The following TSC22D2 variants were observed in gnomAD, a reference collection of about 807,000 sequenced individuals.
The protein encoded by TSC22D2 is TSC22 domain family member 2.
TSC22D2 carries 5 observed loss-of-function variants against 50.1 expected under a neutral mutation model. The observed-to-expected ratio is 0.10, with a 90% CI of 0.05 to 0.21. The LOEUF is 0.21. TSC22D2 is among the 10% of genes least tolerant of loss of function. TSC22D2 has a pLI of 1.00. For missense variants in TSC22D2, 1,003 were observed against 1,015.5 expected, an observed-to-expected ratio of 0.99 and a Z score of 0.17; for synonymous variants, 501 against 450.1, an observed-to-expected ratio of 1.11 and a Z score of -1.43.
chr3:150,418,142 A>G (rs539848794), intron 1 of TSC22D2, among the ~76,000 whole-genome samples: 1 of 152,156 alleles, frequency 6.6e-6, no homozygotes, highest in Admixed American at 6.5e-5. Context: ...AAGTAGGTTG[A>G]TTGCCCAAGA....
chr3:150,464,869 A>C lies in TSC22D2; in HGVS notation c.*6233A>C, dbSNP rs1311537337. The C allele has an allele frequency of 6.6e-6, 1 of 152,214 alleles. No individual in the cohort carries two copies. Among genetic ancestry groups the C allele is most frequent in the Admixed American group, 6.5e-5 (1 of 15,272 alleles). The allele number at this position is 152,214 out of a possible 1,614,324, so 9.4% of individuals were successfully genotyped here. On this transcript the variant is annotated 3_prime_UTR_variant, in exon 3 of 3. Transcript: ENST00000688009. ...AGTTGTAGATAATGAAATTGATTTA[A>C]ATCAAAGTTAACTAGAATAGGATTC...
Position 150,458,767 on chromosome 3 carries a change from C to A in TSC22D2, c.*131C>A. 1.7e-6 allele frequency: 2 copies of A among 1,171,684 alleles called. No individual in the cohort carries two copies. The highest frequency in any genetic ancestry group is 2.4e-6 in the Non-Finnish European group (2 of 835,024). The allele number at this position is 1,171,684 out of a possible 1,614,324, so 72.6% of individuals were successfully genotyped here. A position where few individuals can be genotyped will look rare whatever the true frequency, so the allele number is the denominator to read the frequency against. On this transcript the variant is annotated 3_prime_UTR_variant, in exon 3 of 3. Transcript: ENST00000688009. ...TGTGTTTGGCCTTTTCAGTATTAGA[C>A]AATCATTCTACAAGAGCTTTTCCTC...
rs1470876469 is a variant in TSC22D2 at position 150,408,725 on chromosome 3, G to GCCACAGCC, written c.-621_-614dup. The GCCACAGCC allele has an allele frequency of 6.5e-6, 1 of 152,998 alleles. No individual in the cohort carries two copies. Among genetic ancestry groups the GCCACAGCC allele is most frequent in the Non-Finnish European group, 1.5e-5 (1 of 68,746 alleles). The allele number at this position is 152,998 out of a possible 1,614,324, so 9.5% of individuals were successfully genotyped here. ...CGGGGAGGGAGGGCCGCCTGCCCGC[G>GCCACAGCC]CCACAGCCCCACCGCCCGCCCGCGG... On this transcript the variant is annotated 5_prime_UTR_variant, in exon 1 of 3. Coordinates refer to ENST00000688009, the MANE Select transcript of TSC22D2 (RefSeq NM_001303264.2).
At chr3:150,454,061 G>A (rs1487601173) in intron 1 of TSC22D2, among the ~76,000 whole-genome samples, 1 of 152,152 alleles carries the variant, frequency 6.6e-6, no homozygotes, top group African/African-American at 2.4e-5. Context: ...GTGAGTATAT[G>A]GAGGAGCCAG....
chr3:150,453,210 A>C (rs1293823597), intron 1 of TSC22D2, among the ~76,000 whole-genome samples: 1 of 152,326 alleles, frequency 6.6e-6, no homozygotes, highest in African/African-American at 2.4e-5. Context: ...TTAAACCATC[A>C]AAATATAATG....
At chr3:150,454,714 A>G (rs1380708973) in intron 1 of TSC22D2, among the ~76,000 whole-genome samples, 3 of 152,240 alleles carry the variant, frequency 2.0e-5, no homozygotes, top group African/African-American at 4.8e-5. Context: ...AAAGGTCACT[A>G]TAGTGGTAGT....
intron 1 of TSC22D2, among the ~76,000 whole-genome samples, chr3:150,436,153 A>G (rs906750952): frequency 1.3e-5 from 2 of 152,192 alleles, no homozygotes; most frequent in Admixed American, 6.5e-5. Flanking sequence ...ATTTTGATAT[A>G]TAACTTTTGT....
In TSC22D2 at chr3:150,410,830, G is replaced by A. The variant is rs1337233630; in HGVS notation, c.1480G>A (p.Ala494Thr). The part of the protein sequence containing the change: ...PQMGGSGPLS[A>T]VPGGPHAVVP... ...GATGGGTGGCAGTGGTCCGCTGTCA[G>A]CCGTACCTGGTGGCCCTCACGCCGT... Residue 494 changes from alanine (A) to threonine (T), a missense_variant, in exon 1 of 3, where the codon GCC (alanine) becomes ACC (threonine). Ala to Thr is a moderately conservative substitution (Grantham distance 58). Around this residue, in one of 6 missense-constraint regions of TSC22D2, gnomAD observed 696 missense variants for 647.8 expected, o/e 1.07. Coordinates refer to ENST00000688009, the MANE Select transcript of TSC22D2 (RefSeq NM_001303264.2). 2 of 1,613,652 alleles carry A rather than the reference G, an allele frequency of 1.2e-6. No individual in the cohort carries two copies. Among genetic ancestry groups the A allele is most frequent in the Non-Finnish European group, 1.7e-6 (2 of 1,179,980 alleles).
At chr3:150,452,339 G>A (rs1721067306) in intron 1 of TSC22D2, among the ~76,000 whole-genome samples, 1 of 152,026 alleles carries the variant, frequency 6.6e-6, no homozygotes, top group Non-Finnish European at 1.5e-5. Flanking sequence ...CAGCTACTCG[G>A]GAGGCCGAGG....
intron 1 of TSC22D2, among the ~76,000 whole-genome samples, chr3:150,432,686 G>A (rs1720418587): frequency 2.0e-5 from 3 of 151,832 alleles, no homozygotes; most frequent in African/African-American, 7.3e-5. Context: ...ATCTTTTAGG[G>A]TTTCGTCATT....
intron 1 of TSC22D2, among the ~76,000 whole-genome samples, chr3:150,421,990 G>A (rs536460410): frequency 1.3e-5 from 2 of 152,332 alleles, no homozygotes; most frequent in South Asian, 4.1e-4. Flanking sequence ...GCTCAGTGAT[G>A]TAAGGCAAGT....
intron 1 of TSC22D2, among the ~76,000 whole-genome samples, chr3:150,446,890 G>A (rs1024457715): frequency 6.6e-6 from 1 of 152,136 alleles, no homozygotes; most frequent in Non-Finnish European, 1.5e-5. Flanking sequence ...CCAGTGACTA[G>A]CCTAATATAA....
intron 1 of TSC22D2, among the ~76,000 whole-genome samples, chr3:150,448,546 T>C: frequency 6.6e-6 from 1 of 152,172 alleles, no homozygotes; most frequent in Non-Finnish European, 1.5e-5. Flanking sequence ...TCCATATTAT[T>C]ATAACATTTA....
At chr3:150,439,508 C>T (rs575058600) in intron 1 of TSC22D2, among the ~76,000 whole-genome samples, 3 of 152,234 alleles carry the variant, frequency 2.0e-5, no homozygotes, top group Admixed American at 2.0e-4. Flanking sequence ...TTTCTATAAT[C>T]TACATAACTT....
At position 150,409,615 on chromosome 3, in the gene TSC22D2, C is replaced by G; in HGVS notation, c.265C>G (p.Leu89Val). Residue 89 changes from leucine to valine, a missense_variant, in exon 1 of 3, where the codon CTC becomes GTC. Physicochemically the swap from Leu to Val is conservative, Grantham distance 32. Transcript: ENST00000688009. This position sits in a 1 kb window ranked among gnomAD's most constrained non-coding sequence, Gnocchi z 7.4. ...TCCCGGGACCGTCTCCCCAAACCTC[C>G]TCCTAGATGGGCAGCTGGCAGCGGC... ...ETPGTVSPNLLLDGQLAAAAA... is the reference protein window; with the variant it reads ...ETPGTVSPNLVLDGQLAAAAA... 1 of 1,609,296 alleles carries G rather than the reference C, an allele frequency of 6.2e-7. No individual in the cohort carries two copies. The highest frequency in any genetic ancestry group is 1.1e-5 in the South Asian group (1 of 90,860).
At position 150,409,623 on chromosome 3, in the gene TSC22D2, T is replaced by G. The variant is rs1222293046; in HGVS notation, c.273T>G (p.Asp91Glu). 1.9e-6 allele frequency: 3 copies of G among 1,609,674 alleles called. No homozygotes were observed. The highest frequency in any genetic ancestry group is 2.5e-6 in the Non-Finnish European group (3 of 1,177,556). Residue 91 changes from aspartate to glutamate, a missense_variant, in exon 1 of 3, where the codon GAT becomes GAG. Coordinates refer to ENST00000688009, the MANE Select transcript of TSC22D2 (RefSeq NM_001303264.2). This position sits in a 1 kb window ranked among gnomAD's most constrained non-coding sequence, Gnocchi z 7.4. ...CCGTCTCCCCAAACCTCCTCCTAGA[T>G]GGGCAGCTGGCAGCGGCGGCTGCTG... ...PGTVSPNLLL[D>E]GQLAAAAAAP...
intron 1 of TSC22D2, among the ~76,000 whole-genome samples, chr3:150,443,930 A>G (rs1720796829): frequency 6.6e-6 from 1 of 152,214 alleles, no homozygotes; most frequent in African/African-American, 2.4e-5. Flanking sequence ...GAAGTCTTCT[A>G]TGATTTAGTC....
intron 1 of TSC22D2, among the ~76,000 whole-genome samples, chr3:150,454,977 C>A (rs1040658423): frequency 1.1e-4 from 17 of 150,106 alleles, no homozygotes; most frequent in African/African-American, 1.2e-4. Context: ...CAAAAAAAAA[C>A]CCCAGTAATT....
rs1030872133 is a variant in TSC22D2 at position 150,460,300 on chromosome 3, T to C, written c.*1664T>C. ...CTCAATATTCATATTATGTTAGTGA[T>C]ACTTAAGTAGGAAATCCTTGTCTAC... On this transcript the variant is annotated 3_prime_UTR_variant, in exon 3 of 3. Transcript: ENST00000688009. The C allele has an allele frequency of 6.6e-6, 1 of 152,216 alleles. No individual in the cohort carries two copies. The highest frequency in any genetic ancestry group is 2.4e-5 in the African/African-American group (1 of 41,458). 9.4% of individuals were successfully genotyped at this position (152,216 alleles called of 1,614,324 possible). A position where few individuals can be genotyped will look rare whatever the true frequency, so the allele number is the denominator to read the frequency against.
Sources: allele counts gnomAD v4.1 joint callset (sites outside exome capture counted in the v4.1 genomes callset), GRCh38; gene constraint gnomAD v4.1.1; regional missense constraint gnomAD v4.1.1; non-coding constraint Gnocchi (gnomAD v3.1); transcripts MANE v1.5; gene names NCBI Gene and HGNC (gene_info 2026-07-23, HGNC 2026-07-21).